FAM168A: variants seen among roughly 807,000 people sequenced by gnomAD.
FAM168A encodes the protein protein FAM168A.
FAM168A carries 3 observed loss-of-function variants against 28.5 expected under a neutral mutation model. That is an observed-to-expected ratio of 0.11 (90% confidence interval 0.05 to 0.27). The LOEUF (loss-of-function observed/expected upper bound fraction) is 0.27, where lower values mean the gene tolerates loss of function less well. FAM168A is among the 10% of genes least tolerant of loss of function. FAM168A has a pLI of 1.00. For synonymous variants in FAM168A, 122 were observed against 124.2 expected, an observed-to-expected ratio of 0.98 and a Z score of 0.12; for missense variants, 222 against 311.5, an observed-to-expected ratio of 0.71 and a Z score of 2.16.
chr11:73,589,053 T>C (rs1002351078), intron 1 of FAM168A, among the ~76,000 whole-genome samples: 5 of 152,172 alleles, frequency 3.3e-5, no homozygotes, highest in African/African-American at 1.2e-4. Flanking sequence ...TGGACTTCTT[T>C]CTAGCCTGCA....
chr11:73,465,687 C>T (rs997367450), intron 2 of FAM168A, among the ~76,000 whole-genome samples: 6 of 124,496 alleles, frequency 4.8e-5, no homozygotes, highest in Admixed American at 7.7e-5. Flanking sequence ...AAACCTACAA[C>T]GGTTCAATCT....
intron 1 of FAM168A, among the ~76,000 whole-genome samples, chr11:73,585,632 C>A (rs1248669615): frequency 6.6e-6 from 1 of 152,066 alleles, no homozygotes; most frequent in African/African-American, 2.4e-5. Context: ...CTTTGGGAGG[C>A]CAAGGCAGGA....
Position 73,529,796 on chromosome 11 carries a change from C to CTTTTTTTTTTTTTTTTTTTTTT in FAM168A, c.-18-61305_-18-61304insAAAAAAAAAAAAAAAAAAAAAA, listed in dbSNP as rs772530179. Among the ~76,000 whole-genome samples the CTTTTTTTTTTTTTTTTTTTTTT allele has an allele frequency of 1.1e-4, 14 of 127,532 alleles. 1 individual carries two copies. The highest frequency in any genetic ancestry group is 4.0e-4 in the African/African-American group (12 of 29,666). The allele number at this position is 127,532 out of a possible 152,430, so 83.7% of individuals were successfully genotyped here. ...TCCTTCATTCAAACAACTTTTTCTT[C>CTTTTTTTTTTTTTTTTTTTTTT]TTTTTTTTTTTTTTTTGGAGACGCA... is the stretch of plus-strand genomic sequence containing the variant. On this transcript the variant is annotated intron_variant, in intron 1 of 7. Transcript: ENST00000356467.
chr11:73,543,262 CTTTTTT>C (rs58715872), intron 1 of FAM168A, among the ~76,000 whole-genome samples: 1 of 111,890 alleles, frequency 8.9e-6, no homozygotes, highest in African/African-American at 3.6e-5. Flanking sequence ...ATTAATTGTT[CTTTTTT>C]TTTTTTTTTT....
At chr11:73,448,153 T>C (rs1867356754) in intron 2 of FAM168A, among the ~76,000 whole-genome samples, 1 of 151,324 alleles carries the variant, frequency 6.6e-6, no homozygotes, top group Non-Finnish European at 1.5e-5. Flanking sequence ...GTCCAACCAA[T>C]TCTCCTGCGT....
At chr11:73,566,508 T>C (rs1042473356) in intron 1 of FAM168A, among the ~76,000 whole-genome samples, 50 of 152,170 alleles carry the variant, frequency 3.3e-4, no homozygotes, top group African/African-American at 1.1e-3. Flanking sequence ...CAATTAAGCA[T>C]CCATTTGTTG....
intron 1 of FAM168A, among the ~76,000 whole-genome samples, chr11:73,545,144 GCC>G (rs1943730873): frequency 6.9e-6 from 1 of 145,712 alleles, no homozygotes. Flanking sequence ...TCTTGCCTCA[GCC>G]TCCTGAGTAG....
At chr11:73,580,667 T>C (rs1489633584) in intron 1 of FAM168A, 1 of 375,544 alleles carries the variant, frequency 2.7e-6, no homozygotes, top group African/African-American at 2.1e-5. Flanking sequence ...CTTGTTGTTT[T>C]GAGAGGAAGG....
At chr11:73,464,318 A>C (rs1460120364) in intron 2 of FAM168A, among the ~76,000 whole-genome samples, 3 of 145,058 alleles carry the variant, frequency 2.1e-5, no homozygotes, top group African/African-American at 7.5e-5. Context: ...CAAAAACAGC[A>C]ATCTGGGGGT....
intron 1 of FAM168A, among the ~76,000 whole-genome samples, chr11:73,572,384 G>T (rs1944110819): frequency 6.6e-6 from 1 of 152,202 alleles, no homozygotes; most frequent in South Asian, 2.1e-4. Context: ...GTACCCAACA[G>T]CTCATTGAGA....
intron 2 of FAM168A, among the ~76,000 whole-genome samples, chr11:73,448,911 C>A (rs907673030): frequency 6.6e-6 from 1 of 152,092 alleles, no homozygotes; most frequent in Non-Finnish European, 1.5e-5. Context: ...TCCTATTTAC[C>A]TATTTATTTA....
intron 1 of FAM168A, among the ~76,000 whole-genome samples, chr11:73,585,763 G>A (rs1044094436): frequency 1.3e-5 from 2 of 151,538 alleles, no homozygotes; most frequent in East Asian, 3.9e-4. Context: ...AGCTACTCAG[G>A]AGGCTGAGCC....
chr11:73,592,449 A>G (rs1386480370), intron 1 of FAM168A, among the ~76,000 whole-genome samples: 3 of 152,236 alleles, frequency 2.0e-5, no homozygotes, highest in African/African-American at 7.2e-5. Flanking sequence ...AAGAAATATG[A>G]ACTTGGTTTA....
At chr11:73,482,181 CTTTTTTTT>C (rs55882143) in intron 1 of FAM168A, among the ~76,000 whole-genome samples, 5 of 77,556 alleles carry the variant, frequency 6.4e-5, no homozygotes, top group Admixed American at 2.1e-4. Flanking sequence ...ATCCAACAGC[CTTTTTTTT>C]TTTTTTTTTT....
At chr11:73,462,615 C>T (rs1269934244) in intron 2 of FAM168A, among the ~76,000 whole-genome samples, 3 of 152,180 alleles carry the variant, frequency 2.0e-5, no homozygotes, top group African/African-American at 7.2e-5. Context: ...GTGGCTCATA[C>T]CTGTAGTCCC....
At chr11:73,452,400 C>A (rs1160399361) in intron 2 of FAM168A, 1 of 152,452 alleles carries the variant, frequency 6.6e-6, no homozygotes, top group East Asian at 1.9e-4. Flanking sequence ...CCCTGTCCTT[C>A]CTGCCAAAAA....
At chr11:73,430,662 C>T (rs373644025) in intron 3 of FAM168A, 28 bp downstream of exon 3, 145 of 1,600,450 alleles carry the variant, frequency 9.1e-5, no homozygotes, top group African/African-American at 4.4e-4. Context: ...CCACTCCATT[C>T]GCCACTGCTG....
At chr11:73,592,139 T>C (rs1217104683) in intron 1 of FAM168A, among the ~76,000 whole-genome samples, 3 of 152,186 alleles carry the variant, frequency 2.0e-5, no homozygotes, top group African/African-American at 7.2e-5. Context: ...GTGAAAAATA[T>C]ATCATCTCAG....
intron 4 of FAM168A, among the ~76,000 whole-genome samples, chr11:73,416,823 G>T (rs572802508): frequency 3.3e-4 from 50 of 152,230 alleles, no homozygotes; most frequent in South Asian, 2.1e-3. Context: ...TTGCATGCCT[G>T]TGGTCCCAGC....
Sources: allele counts gnomAD v4.1 joint callset (sites outside exome capture counted in the v4.1 genomes callset), GRCh38; gene constraint gnomAD v4.1.1; transcripts MANE v1.5; gene names NCBI Gene and HGNC (gene_info 2026-07-23, HGNC 2026-07-21).